Variants in PODXL observed in about 807,000 individuals in gnomAD.
PODXL encodes the protein podocalyxin.
In PODXL, 20 loss-of-function variants were observed where a neutral mutation model predicts 48.9. The ratio of observed to expected loss-of-function variants is 0.41; its 90% CI spans 0.29 to 0.59. The LOEUF (loss-of-function observed/expected upper bound fraction) is 0.59, where lower values mean the gene tolerates loss of function less well. Ranked by LOEUF, PODXL falls within the 20% of genes least tolerant of loss-of-function variation. The probability of loss-of-function intolerance (pLI) is 0.31; values close to 1 mark genes in which losing one functional copy is unlikely to be tolerated. For missense variants in PODXL, 606 were observed against 675.1 expected, an observed-to-expected ratio of 0.90 and a Z score of 1.13; for synonymous variants, 295 against 287.4, an observed-to-expected ratio of 1.03 and a Z score of -0.27.
At chr7:131,552,393 G>T in intron 1 of PODXL, among the ~76,000 whole-genome samples, 1 of 152,294 alleles carries the variant, frequency 6.6e-6, no homozygotes, top group East Asian at 1.9e-4. Flanking sequence ...CCTGCAAGGG[G>T]GGGAATTCTA....
At position 131,511,030 on chromosome 7, in the gene PODXL, T is replaced by C; in HGVS notation, c.504A>G (p.Thr168=). 1 of 1,614,204 alleles carries C rather than the reference T, an allele frequency of 6.2e-7. No homozygotes were observed. Among genetic ancestry groups the C allele is most frequent in the Non-Finnish European group, 8.5e-7 (1 of 1,180,018 alleles). The change falls in exon 2 of 9, where the codon ACA becomes ACG. Residue 168 remains threonine (T), a synonymous_variant. Transcript: ENST00000378555. ...GTTCTGCCTTAGTGGATGTGAGGTC[T>C]GTGGTCACACTGTGGCTGCTTTTCC... ...SGGKSSHSVT[T]DLTSTKAEHL...
intron 1 of PODXL, among the ~76,000 whole-genome samples, chr7:131,526,507 G>A (rs202245615): frequency 1.2e-4 from 17 of 144,918 alleles, no homozygotes; most frequent in South Asian, 2.1e-4. Context: ...GCATTTTACA[G>A]AAAAAAAAAA....
In PODXL at chr7:131,556,426, G is replaced by A. The variant is rs569082715; in HGVS notation, c.-67C>T. 93 of 1,315,898 alleles carry A rather than the reference G, an allele frequency of 7.1e-5. No individual in the cohort carries two copies. The African/African-American group carries it at 1.2e-3, about 17-fold the overall frequency. The allele number at this position is 1,315,898 out of a possible 1,614,324, so 81.5% of individuals were successfully genotyped here. On this transcript the variant is annotated 5_prime_UTR_variant, in exon 1 of 9. Coordinates refer to ENST00000378555, the MANE Select transcript of PODXL (RefSeq NM_001018111.3). ...CGGCGGAGGATCCGCGCGTCCGGGC[G>A]GTAGGAGCGTGGGCGCCGCCCGGGG...
Position 131,511,185 on chromosome 7 carries a change from T to C in PODXL, c.349A>G (p.Thr117Ala), listed in dbSNP as rs571188325. The change falls in exon 2 of 9, where the codon ACT (threonine) becomes GCT (alanine). Residue 117 changes from threonine (T) to alanine (A), a missense_variant. Transcript: ENST00000378555. ...VARGGGSGNP[T>A]TTIESPKSTK... ...CTCTTGGGGCTCTCGATGGTGGTAG[T>C]AGGGTTGCCTGAGCCGCCTCCTCTA... 3.1e-6 allele frequency: 5 copies of C among 1,614,050 alleles called. No homozygotes were observed. The highest frequency in any genetic ancestry group is 4.2e-6 in the Non-Finnish European group (5 of 1,180,010).
chr7:131,526,449 A>T (rs538989424), intron 1 of PODXL, among the ~76,000 whole-genome samples: 1 of 152,234 alleles, frequency 6.6e-6, no homozygotes, highest in South Asian at 2.1e-4. Context: ...TATGCCCCCA[A>T]AACTTCTATA....
chr7:131,514,461 C>T (rs1016633663), intron 1 of PODXL, among the ~76,000 whole-genome samples: 1 of 151,874 alleles, frequency 6.6e-6, no homozygotes, highest in African/African-American at 2.4e-5. Context: ...GAGGGTTTGA[C>T]AGGCATTTTT....
At chr7:131,545,165 C>T (rs927646566) in intron 1 of PODXL, among the ~76,000 whole-genome samples, 7 of 152,184 alleles carry the variant, frequency 4.6e-5, no homozygotes, top group Admixed American at 1.3e-4. Flanking sequence ...ACACACACTT[C>T]CATAATTCTT....
At chr7:131,538,691 G>A (rs982214931) in intron 1 of PODXL, among the ~76,000 whole-genome samples, 2 of 152,000 alleles carry the variant, frequency 1.3e-5, no homozygotes, top group Non-Finnish European at 2.9e-5. Context: ...ACCCCTGCCC[G>A]CTCTGGTTCC....
At chr7:131,510,438 A>T in intron 2 of PODXL, 107 bp from the exon 3 acceptor site, 1 of 270,706 alleles carries the variant, frequency 3.7e-6, no homozygotes, top group Admixed American at 5.1e-5. Context: ...TTGAACCCGG[A>T]GGTGGAGGTT....
At chr7:131,539,471 C>G (rs1350085689) in intron 1 of PODXL, among the ~76,000 whole-genome samples, 1 of 152,062 alleles carries the variant, frequency 6.6e-6, no homozygotes, top group Non-Finnish European at 1.5e-5. Flanking sequence ...GCTGGGATTA[C>G]AGGCACGCAC....
chr7:131,538,701 C>CT (rs1305930549), intron 1 of PODXL, among the ~76,000 whole-genome samples: 1 of 151,960 alleles, frequency 6.6e-6, no homozygotes, highest in Non-Finnish European at 1.5e-5. Flanking sequence ...GCTCTGGTTC[C>CT]TCTCCCTCTC....
chr7:131,509,240 G>A, intron 4 of PODXL, 125 bp downstream of exon 4: 2 of 859,216 alleles, frequency 2.3e-6, no homozygotes, highest in Non-Finnish European at 3.9e-6. Flanking sequence ...GGAGGGAATG[G>A]GTAAGTGCTG....
intron 5 of PODXL, among the ~76,000 whole-genome samples, chr7:131,508,420 T>A (rs1797846676): frequency 6.6e-6 from 1 of 152,186 alleles, no homozygotes; most frequent in African/African-American, 2.4e-5. Flanking sequence ...CATTTTCTCT[T>A]GCTTTTCTTT....
chr7:131,509,136 GAGGCATGGCTGGACCCATTCCAGAGCC>G (rs1371305933), intron 4 of PODXL, 108 bp from the exon 5 acceptor site: 8 of 1,055,140 alleles, frequency 7.6e-6, no homozygotes, highest in Non-Finnish European at 1.0e-5. Context: ...CGGCAAGCTG[GAGGCATGGCTGGACCCATTCCAGAGCC>G]AGGTATGTCC....
intron 1 of PODXL, among the ~76,000 whole-genome samples, chr7:131,536,565 G>T (rs1345236789): frequency 2.6e-5 from 4 of 152,198 alleles, no homozygotes; most frequent in Non-Finnish European, 5.9e-5. Flanking sequence ...AGCAAAAAAG[G>T]CCAGTCCAAC....
At chr7:131,531,711 G>C (rs1230525383) in intron 1 of PODXL, among the ~76,000 whole-genome samples, 1 of 152,198 alleles carries the variant, frequency 6.6e-6, no homozygotes, top group Non-Finnish European at 1.5e-5. Context: ...CCTCTTATGA[G>C]GACACTTGTC....
intron 1 of PODXL, among the ~76,000 whole-genome samples, chr7:131,533,612 T>TA (rs1343673741): frequency 6.6e-6 from 1 of 152,160 alleles, no homozygotes; most frequent in Non-Finnish European, 1.5e-5. Flanking sequence ...AGATCACCTG[T>TA]AAGAAGCCCT....
In PODXL at chr7:131,506,850, A is replaced by G. The variant is rs11770771; in HGVS notation, c.1102-124T>C. 616,542 of 1,029,528 alleles carry G rather than the reference A, an allele frequency of 0.6. 186,464 individuals carry two copies. The highest frequency in any genetic ancestry group is 0.79 in the Middle Eastern group (2,736 of 3,478). The allele number at this position is 1,029,528 out of a possible 1,614,324, so 63.8% of individuals were successfully genotyped here. A position where few individuals can be genotyped will look rare whatever the true frequency, so the allele number is the denominator to read the frequency against. Reference sequence around the variant, plus strand: ...TGTGCTAGAACCTGCCTCCCTCTCTAGCCCCAGCTGGTGCTCCACGCAGGC... The same window carrying G: ...TGTGCTAGAACCTGCCTCCCTCTCTGGCCCCAGCTGGTGCTCCACGCAGGC... On this transcript the variant is annotated intron_variant, in intron 5 of 8. Coordinates refer to ENST00000378555, the MANE Select transcript of PODXL (RefSeq NM_001018111.3).
chr7:131,524,014 G>A (rs1354473691), intron 1 of PODXL, among the ~76,000 whole-genome samples: 1 of 151,984 alleles, frequency 6.6e-6, no homozygotes, highest in Non-Finnish European at 1.5e-5. Flanking sequence ...GTGCAGGCTG[G>A]TCTCGAACTC....
Sources: allele counts gnomAD v4.1 joint callset (sites outside exome capture counted in the v4.1 genomes callset), GRCh38; gene constraint gnomAD v4.1.1; transcripts MANE v1.5; gene names NCBI Gene and HGNC (gene_info 2026-07-23, HGNC 2026-07-21).